STARD9: variants seen among roughly 807,000 people sequenced by gnomAD.
STARD9 encodes the protein StAR related lipid transfer domain containing 9, also known as stAR-related lipid transfer protein 9.
Under a neutral mutation model 399.8 loss-of-function variants are expected in STARD9, and 346 were observed. The ratio of observed to expected loss-of-function variants is 0.87; its 90% CI spans 0.79 to 0.95. The LOEUF is 0.95. Ranked by LOEUF, STARD9 falls within the 40% of genes least tolerant of loss-of-function variation. STARD9 has a pLI of 0.00. For missense variants in STARD9, 5,832 were observed against 5,667.5 expected (o/e 1.03, Z -0.93); for synonymous variants, 2,203 against 2,143.5 (o/e 1.03, Z -0.77).
chr15:42,698,745 C>A (rs2060898243), intron 26 of STARD9, among the ~76,000 whole-genome samples: 1 of 152,124 alleles, frequency 6.6e-6, no homozygotes, highest in South Asian at 2.1e-4. Flanking sequence ...ATGGTTTCTT[C>A]TAGAACTTCT....
At chr15:42,665,217 T>A (rs955647639) in intron 13 of STARD9, 36 bp from the exon 14 acceptor site, 1 of 1,499,008 alleles carries the variant, frequency 6.7e-7, no homozygotes, top group Non-Finnish European at 9.0e-7. Context: ...TGGGACTTGA[T>A]AACAATCAGT....
At chr15:42,717,312 C>G (rs978744552) in intron 28 of STARD9, among the ~76,000 whole-genome samples, 2 of 152,032 alleles carry the variant, frequency 1.3e-5, no homozygotes, top group Non-Finnish European at 2.9e-5. Flanking sequence ...TAGCAAGACC[C>G]TGTCTCTACA....
chr15:42,712,090 TATATATAATATATAATATATA>T (rs765517722), intron 26 of STARD9, among the ~76,000 whole-genome samples: 1 of 6,132 alleles, frequency 1.6e-4, no homozygotes, highest in Non-Finnish European at 2.6e-4. Context: ...ATTATATATA[TATATATAATATATAATATATA>T]ATATATAATA....
chr15:42,689,752 C>A lies in STARD9; in HGVS notation c.8174C>A (p.Ser2725Tyr). ...ADPLAPDSPR[S>Y]SAPVEEVRRV... is the part of the protein sequence containing the mutation. ...CCTTTGGCCCCAGACAGTCCTCGTT[C>A]TTCAGCACCTGTGGAGGAGGTCAGG... The change falls in exon 23 of 33, where the codon TCT becomes TAT. Residue 2725 changes from serine (S) to tyrosine (Y), a missense_variant. Coordinates refer to ENST00000290607, the MANE Select transcript of STARD9 (RefSeq NM_020759.3). 6.5e-7 allele frequency: 1 copy of A among 1,537,740 alleles called. No homozygotes were observed. The highest frequency in any genetic ancestry group is 1.4e-5 in the African/African-American group (1 of 73,162).
intron 3 of STARD9, among the ~76,000 whole-genome samples, chr15:42,597,641 A>G (rs1009003338): frequency 6.6e-6 from 1 of 151,542 alleles, no homozygotes; most frequent in African/African-American, 2.4e-5. Context: ...AGTTCAAGCA[A>G]TTCTCCGCCT....
intron 3 of STARD9, among the ~76,000 whole-genome samples, chr15:42,632,792 T>G (rs1222191925): frequency 1.3e-5 from 2 of 151,934 alleles, no homozygotes; most frequent in Non-Finnish European, 2.9e-5. Context: ...CAGTAAGCTA[T>G]GACTGTGCCA....
intron 3 of STARD9, among the ~76,000 whole-genome samples, chr15:42,600,404 C>A (rs1452255322): frequency 6.6e-6 from 1 of 152,144 alleles, no homozygotes; most frequent in Non-Finnish European, 1.5e-5. Context: ...AAAAAGCATT[C>A]TTCACTCAAC....
In STARD9 at chr15:42,693,002, G is replaced by A; in HGVS notation, c.11424G>A (p.Lys3808=). ...LYLQEESTPY[K]PQSPSIPSSH... ...TTCAGGAAGAAAGCACTCCCTACAAGCCCCAGAGCCCTTCAATACCCTCAT... is the reference window on the plus strand; with the variant it reads ...TTCAGGAAGAAAGCACTCCCTACAAACCCCAGAGCCCTTCAATACCCTCAT... The change falls in exon 23 of 33, where the codon AAG becomes AAA. Residue 3808 remains lysine (K), a synonymous_variant. Transcript: ENST00000290607. 6.5e-7 allele frequency: 1 copy of A among 1,537,156 alleles called. No individual in the cohort carries two copies. Among genetic ancestry groups the A allele is most frequent in the Non-Finnish European group, 8.7e-7 (1 of 1,146,886 alleles).
In STARD9 at chr15:42,674,863, C is replaced by G. The variant is rs1183213149; in HGVS notation, c.1586C>G (p.Thr529Ser). ...QGQWIERDHC[T>S]ITSACGVVVL... Reference sequence around the variant, plus strand: ...CAGTGGATTGAGAGAGACCACTGCACTATCACCAGTGCCTGTGGTGTAGTT... The same window carrying G: ...CAGTGGATTGAGAGAGACCACTGCAGTATCACCAGTGCCTGTGGTGTAGTT... The change falls in exon 18 of 33, where the codon ACT becomes AGT. Residue 529 changes from threonine (T) to serine (S), a missense_variant. Around this residue, in one of 2 missense-constraint regions of STARD9, gnomAD observed 5,828 missense variants for 5,651.1 expected, o/e 1.03. Transcript: ENST00000290607. 3.9e-6 allele frequency: 6 copies of G among 1,536,668 alleles called. No individual in the cohort carries two copies. Among genetic ancestry groups the G allele is most frequent in the African/African-American group, 1.4e-5 (1 of 73,050 alleles).
Sources: allele counts gnomAD v4.1 joint callset (sites outside exome capture counted in the v4.1 genomes callset), GRCh38; gene constraint gnomAD v4.1.1; regional missense constraint gnomAD v4.1.1; transcripts MANE v1.5; gene names NCBI Gene and HGNC (gene_info 2026-07-23, HGNC 2026-07-21).